ITGA9: variants seen among roughly 807,000 people sequenced by gnomAD.
ITGA9 encodes integrin subunit alpha 9.
A neutral mutation model predicts 127.8 loss-of-function variants in ITGA9; 56 were observed. The ratio of observed to expected loss-of-function variants is 0.44; its 90% CI spans 0.35 to 0.55. The LOEUF (loss-of-function observed/expected upper bound fraction) is 0.55, where lower values mean the gene tolerates loss of function less well. ITGA9 is among the 20% of genes least tolerant of loss of function. The pLI is 0.00. For missense variants in ITGA9, 1,196 were observed against 1,347.1 expected (o/e 0.89, Z 1.76); for synonymous variants, 508 against 514.5 (o/e 0.99, Z 0.17).
Position 37,819,233 on chromosome 3 carries a change from C to A in ITGA9, c.*244C>A. On this transcript the variant is annotated 3_prime_UTR_variant, in exon 28 of 28. Coordinates refer to ENST00000264741, the MANE Select transcript of ITGA9 (RefSeq NM_002207.3). ...AACTTTGGAGAGTGAGCTACAGAGCCGAGCAATATTTATGGATGCAACACG... is the reference window on the plus strand; with the variant it reads ...AACTTTGGAGAGTGAGCTACAGAGCAGAGCAATATTTATGGATGCAACACG... 1.7e-6 allele frequency: 1 copy of A among 572,834 alleles called. No individual in the cohort carries two copies. The highest frequency in any genetic ancestry group is 2.1e-5 in the South Asian group (1 of 48,620). 35.5% of individuals were successfully genotyped at this position (572,834 alleles called of 1,614,324 possible).
chr3:37,487,566 T>C (rs1698623820), intron 4 of ITGA9, among the ~76,000 whole-genome samples: 1 of 152,232 alleles, frequency 6.6e-6, no homozygotes, highest in African/African-American at 2.4e-5. Flanking sequence ...ATTGAGCACC[T>C]ACCTGGTGCC....
rs181709965 is a variant in ITGA9 at position 37,715,219 on chromosome 3, G to A, written c.2068-17493G>A. 9.3e-4 allele frequency among the ~76,000 whole-genome samples: 142 copies of A among 152,256 alleles called. 1 individual carries two copies. Among genetic ancestry groups the A allele is most frequent in the African/African-American group, 3.4e-3 (140 of 41,540 alleles). ...ACAGAGCAAAGAAAACTCTTGAAAA[G>A]TTTCTCTTAGAGCCTAATAGCAATA... On this transcript the variant is annotated intron_variant, in intron 18 of 27. Transcript: ENST00000264741.
intron 25 of ITGA9, among the ~76,000 whole-genome samples, chr3:37,782,736 G>A (rs1428993068): frequency 1.3e-5 from 2 of 152,212 alleles, no homozygotes; most frequent in African/African-American, 2.4e-5. Context: ...GCCTGCAGTC[G>A]TGTTTATTTT....
intron 4 of ITGA9, 34 bp from the exon 5 acceptor site, chr3:37,494,467 T>C (rs763951226): frequency 6.8e-6 from 10 of 1,473,962 alleles, no homozygotes; most frequent in South Asian, 2.3e-5. Context: ...CTGACATGGC[T>C]GTGGTTTGCT....
intron 23 of ITGA9, among the ~76,000 whole-genome samples, chr3:37,776,081 AC>A (rs1696903963): frequency 6.6e-6 from 1 of 152,250 alleles, no homozygotes; most frequent in Non-Finnish European, 1.5e-5. Flanking sequence ...TAACACAGGA[AC>A]AGAAAACCAA....
At chr3:37,779,023 G>T (rs571991503) in intron 24 of ITGA9, among the ~76,000 whole-genome samples, 9 of 152,024 alleles carry the variant, frequency 5.9e-5, no homozygotes, top group African/African-American at 2.2e-4. Context: ...CATCATCAAG[G>T]TATGTATACG....
intron 15 of ITGA9, among the ~76,000 whole-genome samples, chr3:37,601,664 A>C (rs915581337): frequency 1.3e-5 from 2 of 152,230 alleles, no homozygotes; most frequent in African/African-American, 4.8e-5. Context: ...GAGCAGTATT[A>C]GTCTTTATCT....
At chr3:37,660,229 ATTAATT>A (rs1447790076) in intron 17 of ITGA9, among the ~76,000 whole-genome samples, 2 of 152,220 alleles carry the variant, frequency 1.3e-5, no homozygotes, top group East Asian at 1.9e-4. Context: ...TTTGCAGCTC[ATTAATT>A]TTAATTTTAA....
intron 15 of ITGA9, among the ~76,000 whole-genome samples, chr3:37,608,886 T>C (rs1022575804): frequency 6.6e-6 from 1 of 152,150 alleles, no homozygotes; most frequent in East Asian, 1.9e-4. Flanking sequence ...GGTGGGGGAC[T>C]AGGTGGACTG....
chr3:37,785,868 C>T (rs1697034725), intron 26 of ITGA9, among the ~76,000 whole-genome samples: 1 of 152,294 alleles, frequency 6.6e-6, no homozygotes, highest in African/African-American at 2.4e-5. Context: ...CCTTCTCCTC[C>T]ATAAAGTGCA....
intron 4 of ITGA9, among the ~76,000 whole-genome samples, chr3:37,492,217 C>T (rs1205329133): frequency 6.6e-6 from 1 of 152,154 alleles, no homozygotes; most frequent in African/African-American, 2.4e-5. Context: ...CAGTCAGGGG[C>T]CCCCATTGTT....
Position 37,502,736 on chromosome 3 carries a change from G to A in ITGA9, c.613-442G>A, listed in dbSNP as rs1245689488. Among the ~76,000 whole-genome samples the A allele has an allele frequency of 1.2e-4, 19 of 152,292 alleles. No homozygotes were observed. In the South Asian group the frequency reaches 3.7e-3, roughly 30 times the overall value. On this transcript the variant is annotated intron_variant, in intron 5 of 27. Coordinates refer to ENST00000264741, the MANE Select transcript of ITGA9 (RefSeq NM_002207.3). ...GAGTACTAGTGCACAGTTTCCTCTCGCTACGCATCAGGTCGGGGGAGTTGA... is the reference window on the plus strand; with the variant it reads ...GAGTACTAGTGCACAGTTTCCTCTCACTACGCATCAGGTCGGGGGAGTTGA...
At chr3:37,646,422 A>G (rs1700377134) in intron 16 of ITGA9, among the ~76,000 whole-genome samples, 2 of 152,260 alleles carry the variant, frequency 1.3e-5, no homozygotes, top group African/African-American at 4.8e-5. Flanking sequence ...CTCCAGGGAA[A>G]CCTGAGATGA....
chr3:37,460,332 C>A (rs1698302894), intron 1 of ITGA9, among the ~76,000 whole-genome samples: 1 of 151,912 alleles, frequency 6.6e-6, no homozygotes, highest in Non-Finnish European at 1.5e-5. Flanking sequence ...TGAATGGGTA[C>A]AAAAAATTAG....
intron 1 of ITGA9, among the ~76,000 whole-genome samples, chr3:37,465,555 C>T (rs1698360784): frequency 2.0e-5 from 3 of 152,170 alleles, no homozygotes; most frequent in Non-Finnish European, 4.4e-5. Flanking sequence ...CAAGAAAGCA[C>T]CCTTGTGAGC....
At chr3:37,493,161 G>A (rs1303210040) in intron 4 of ITGA9, among the ~76,000 whole-genome samples, 1 of 152,178 alleles carries the variant, frequency 6.6e-6, no homozygotes, top group African/African-American at 2.4e-5. Flanking sequence ...GCCACTTACT[G>A]GAAAATGTTA....
Position 37,820,883 on chromosome 3 carries a change from C to T in ITGA9, c.*1894C>T, listed in dbSNP as rs990546023. Reference sequence around the variant, plus strand: ...ACTGGAAGCTAACACGTTGGGAGTCCGTGAACATTGTCAAAAAGACATCAA... The same window carrying T: ...ACTGGAAGCTAACACGTTGGGAGTCTGTGAACATTGTCAAAAAGACATCAA... On this transcript the variant is annotated 3_prime_UTR_variant, in exon 28 of 28. Coordinates refer to ENST00000264741, the MANE Select transcript of ITGA9 (RefSeq NM_002207.3). 2 of 152,168 alleles carry T rather than the reference C, an allele frequency of 1.3e-5. No individual in the cohort carries two copies. Among genetic ancestry groups the T allele is most frequent in the East Asian group, 1.9e-4 (1 of 5,202 alleles). The allele number at this position is 152,168 out of a possible 1,614,324, so 9.4% of individuals were successfully genotyped here. A position where few individuals can be genotyped will look rare whatever the true frequency, so the allele number is the denominator to read the frequency against.
rs77366841 is a variant in ITGA9, at chr3:37,518,278, C to T, written c.1141+669C>T. 1.1e-4 allele frequency among the ~76,000 whole-genome samples: 17 copies of T among 152,340 alleles called. No individual in the cohort carries two copies. The East Asian group carries it at 2.9e-3, about 26-fold the overall frequency. On this transcript the variant is annotated intron_variant, in intron 10 of 27. Transcript: ENST00000264741. ...GTCGGGAGGCAGAGCAACCATGTCA[C>T]CAGGGCATGTGGTGGTGGAGGTGGG...
chr3:37,581,107 C>T (rs1162188714), intron 15 of ITGA9, among the ~76,000 whole-genome samples: 8 of 152,150 alleles, frequency 5.3e-5, no homozygotes, highest in Non-Finnish European at 1.2e-4. Context: ...CTCTGGGAAG[C>T]AGGGAAGTGA....
Sources: allele counts gnomAD v4.1 joint callset (sites outside exome capture counted in the v4.1 genomes callset), GRCh38; gene constraint gnomAD v4.1.1; transcripts MANE v1.5; gene names NCBI Gene and HGNC (gene_info 2026-07-23, HGNC 2026-07-21).